Variants in RIC1 observed in about 807,000 individuals in gnomAD.
The protein encoded by RIC1 is guanine nucleotide exchange factor subunit RIC1.
Under a neutral mutation model 169.0 loss-of-function variants are expected in RIC1, and 88 were observed. The observed-to-expected ratio is 0.52, with a 90% CI of 0.44 to 0.62. RIC1 has a LOEUF of 0.62. Ranked by LOEUF, RIC1 falls within the 20% of genes least tolerant of loss-of-function variation. The pLI, the probability that RIC1 is intolerant of heterozygous loss-of-function variation, is 0.00. For synonymous variants in RIC1, 790 were observed against 601.5 expected (o/e 1.31, Z -4.59); for missense variants, 1,877 against 1,725.5 (o/e 1.09, Z -1.56).
At chr9:5,752,431 T>A (rs1478412668) in intron 12 of RIC1, among the ~76,000 whole-genome samples, 1 of 151,776 alleles carries the variant, frequency 6.6e-6, no homozygotes, top group Admixed American at 6.6e-5. Flanking sequence ...CATAATTTCA[T>A]AAGTTTTTTT....
intron 1 of RIC1, among the ~76,000 whole-genome samples, chr9:5,640,522 C>T (rs1247184764): frequency 1.3e-5 from 2 of 152,136 alleles, no homozygotes; most frequent in African/African-American, 4.8e-5. Context: ...ATCAGTCTTT[C>T]TACTTAAGAG....
chr9:5,770,355 C>CT, intron 23 of RIC1, 77 bp downstream of exon 23: 1 of 1,225,878 alleles, frequency 8.2e-7, no homozygotes. Context: ...AGAGATAGAC[C>CT]TTCATTCTTT....
At chr9:5,764,519 C>T (rs1826563086) in intron 19 of RIC1, among the ~76,000 whole-genome samples, 1 of 152,350 alleles carries the variant, frequency 6.6e-6, no homozygotes, top group South Asian at 2.1e-4. Flanking sequence ...CTTAAAGATT[C>T]TTTCCAGTTA....
At chr9:5,656,737 C>A in intron 2 of RIC1, 47 bp downstream of exon 2, 2 of 1,059,634 alleles carry the variant, frequency 1.9e-6, no homozygotes, top group Non-Finnish European at 2.9e-6. Flanking sequence ...GAAATCATTA[C>A]ATCGCATTTA....
intron 3 of RIC1, among the ~76,000 whole-genome samples, chr9:5,701,840 A>T (rs949722550): frequency 6.6e-6 from 1 of 152,220 alleles, no homozygotes; most frequent in African/African-American, 2.4e-5. Context: ...TCTCAAGCAC[A>T]TGACTGGGAT....
At chr9:5,648,862 A>C (rs1052390651) in intron 1 of RIC1, among the ~76,000 whole-genome samples, 2 of 152,132 alleles carry the variant, frequency 1.3e-5, no homozygotes, top group African/African-American at 4.8e-5. Flanking sequence ...GTTTTGTTTT[A>C]ACTGTTGAGT....
chr9:5,674,189 G>C (rs960647658), intron 2 of RIC1, among the ~76,000 whole-genome samples: 3 of 151,980 alleles, frequency 2.0e-5, no homozygotes, highest in African/African-American at 7.3e-5. Context: ...TGAAACTATT[G>C]GCAGTTTATT....
At chr9:5,730,974 A>C (rs1176514621) in intron 6 of RIC1, among the ~76,000 whole-genome samples, 1 of 152,134 alleles carries the variant, frequency 6.6e-6, no homozygotes, top group Non-Finnish European at 1.5e-5. Context: ...ATGCTCCTAC[A>C]TTAGGGCTTT....
chr9:5,670,307 G>A (rs1186129513), intron 2 of RIC1, among the ~76,000 whole-genome samples: 2 of 152,194 alleles, frequency 1.3e-5, no homozygotes, highest in African/African-American at 4.8e-5. Flanking sequence ...CCTGAACTAA[G>A]TCTGCTGCTT....
intron 3 of RIC1, among the ~76,000 whole-genome samples, chr9:5,700,570 A>C (rs1822151913): frequency 6.6e-6 from 1 of 151,610 alleles, no homozygotes; most frequent in South Asian, 2.1e-4. Context: ...ACGTATATTA[A>C]TGTATATTTA....
At chr9:5,678,026 T>TG (rs1262805757) in intron 2 of RIC1, among the ~76,000 whole-genome samples, 1 of 147,684 alleles carries the variant, frequency 6.8e-6, no homozygotes, top group Non-Finnish European at 1.5e-5. Flanking sequence ...GTCCCCAGTG[T>TG]GTGATGTTCC....
intron 2 of RIC1, among the ~76,000 whole-genome samples, chr9:5,689,093 G>T (rs1191259170): frequency 1.7e-5 from 2 of 115,808 alleles, no homozygotes; most frequent in Non-Finnish European, 3.2e-5. Context: ...CTGTCGCCCA[G>T]CGGGGAGTGC....
At chr9:5,748,118 T>TA (rs766631315) in intron 12 of RIC1, among the ~76,000 whole-genome samples, 28 of 152,354 alleles carry the variant, frequency 1.8e-4, no homozygotes, top group South Asian at 1.2e-3. Context: ...TGATACCAAG[T>TA]AAAATTATTT....
chr9:5,640,219 T>G (rs1818172500), intron 1 of RIC1, among the ~76,000 whole-genome samples: 1 of 152,192 alleles, frequency 6.6e-6, no homozygotes, highest in Non-Finnish European at 1.5e-5. Context: ...TTTTTATGTT[T>G]TGTGTATCTG....
intron 6 of RIC1, among the ~76,000 whole-genome samples, chr9:5,730,452 A>T (rs921109109): frequency 2.6e-5 from 4 of 152,202 alleles, no homozygotes; most frequent in African/African-American, 4.8e-5. Context: ...AAACAGCTAG[A>T]CACAAAGGAA....
chr9:5,673,535 G>GATATATATATATAT lies in RIC1; in HGVS notation c.253-16414_253-16401dup, dbSNP rs59648906. 1.4e-3 allele frequency among the ~76,000 whole-genome samples: 172 copies of GATATATATATATAT among 119,266 alleles called. 4 individuals carry two copies. The highest frequency in any genetic ancestry group is 4.2e-3 in the African/African-American group (115 of 27,570). 78.2% of individuals were successfully genotyped at this position (119,266 alleles called of 152,430 possible). A position where few individuals can be genotyped will look rare whatever the true frequency, so the allele number is the denominator to read the frequency against. ...ATATATATGCACCAAAACATAAGGA[G>GATATATATATATAT]ATATATATATATATATATATATAAA... On this transcript the variant is annotated intron_variant, in intron 2 of 25. Transcript: ENST00000414202.
intron 6 of RIC1, among the ~76,000 whole-genome samples, chr9:5,726,465 T>A (rs1430843718): frequency 3.9e-5 from 6 of 152,164 alleles, no homozygotes; most frequent in African/African-American, 1.4e-4. Flanking sequence ...GTAAGGTAGG[T>A]CTCCAGAATA....
chr9:5,669,642 AAC>A (rs1819975196), intron 2 of RIC1, among the ~76,000 whole-genome samples: 1 of 152,192 alleles, frequency 6.6e-6, no homozygotes, highest in South Asian at 2.1e-4. Flanking sequence ...TACTTGTTGA[AAC>A]ACAGTAAGGA....
intron 19 of RIC1, among the ~76,000 whole-genome samples, chr9:5,764,533 C>T (rs1172176714): frequency 6.6e-6 from 1 of 152,192 alleles, no homozygotes; most frequent in Non-Finnish European, 1.5e-5. Flanking sequence ...CCAGTTACTG[C>T]AAAGTTGTTT....
Sources: allele counts gnomAD v4.1 joint callset (sites outside exome capture counted in the v4.1 genomes callset), GRCh38; gene constraint gnomAD v4.1.1; transcripts MANE v1.5; gene names NCBI Gene and HGNC (gene_info 2026-07-23, HGNC 2026-07-21).